AUTS2: variants seen among roughly 807,000 people sequenced by gnomAD.
The protein encoded by AUTS2 is activator of transcription and developmental regulator AUTS2, also known as autism susceptibility gene 2 protein.
A neutral mutation model predicts 112.4 loss-of-function variants in AUTS2; 17 were observed. The ratio of observed to expected loss-of-function variants is 0.15; its 90% CI spans 0.10 to 0.23. The LOEUF (loss-of-function observed/expected upper bound fraction) is 0.23, where lower values mean the gene tolerates loss of function less well. AUTS2 is among the 10% of genes least tolerant of loss of function. The pLI is 1.00. For missense variants in AUTS2, 1,510 were observed against 1,701.6 expected (o/e 0.89, Z 1.98); for synonymous variants, 751 against 702.7 (o/e 1.07, Z -1.09).
chr7:70,426,719 C>G (rs1185506758), intron 4 of AUTS2, among the ~76,000 whole-genome samples: 1 of 152,124 alleles, frequency 6.6e-6, no homozygotes, highest in Non-Finnish European at 1.5e-5. Flanking sequence ...GCGATAAGTT[C>G]TATTAGCATG....
intron 4 of AUTS2, among the ~76,000 whole-genome samples, chr7:70,347,163 A>G (rs1791533717): frequency 6.6e-6 from 1 of 152,126 alleles, no homozygotes; most frequent in Non-Finnish European, 1.5e-5. Flanking sequence ...TATCCCCTGC[A>G]ATCACTTCTT....
intron 2 of AUTS2, among the ~76,000 whole-genome samples, chr7:70,075,509 G>A (rs1802984144): frequency 6.6e-6 from 1 of 152,070 alleles, no homozygotes; most frequent in South Asian, 2.1e-4. Flanking sequence ...AAAATATACT[G>A]TAGATTCATT....
At chr7:69,920,398 C>T (rs1231720088) in intron 2 of AUTS2, among the ~76,000 whole-genome samples, 4 of 151,844 alleles carry the variant, frequency 2.6e-5, no homozygotes, top group Non-Finnish European at 2.9e-5. Context: ...GCAATCCTCC[C>T]GTTTCAGTCC....
At chr7:70,728,657 A>G (rs6966950) in intron 6 of AUTS2, among the ~76,000 whole-genome samples, 34,115 of 146,590 alleles carry the variant, frequency 0.23, 4,729 homozygotes, top group East Asian at 0.59. Flanking sequence ...GCAGTGAGCC[A>G]TGATTGTGCC....
chr7:70,117,042 A>G (rs886448071), intron 2 of AUTS2, among the ~76,000 whole-genome samples: 7 of 150,818 alleles, frequency 4.6e-5, no homozygotes, highest in African/African-American at 1.5e-4. Flanking sequence ...TTTTTAATGG[A>G]AAACCAGAGC....
chr7:69,691,474 G>T (rs1179892585), intron 1 of AUTS2, among the ~76,000 whole-genome samples: 11 of 152,050 alleles, frequency 7.2e-5, no homozygotes, highest in Non-Finnish European at 1.2e-4. Flanking sequence ...GTCCAGAGGG[G>T]GCCGAGGTGG....
intron 1 of AUTS2, among the ~76,000 whole-genome samples, chr7:69,820,288 C>T (rs899637042): frequency 5.9e-5 from 9 of 152,198 alleles, no homozygotes; most frequent in Admixed American, 3.9e-4. Context: ...ATTATGAGTT[C>T]CAGACTCCAG....
chr7:70,286,183 TG>T (rs1788449839), intron 4 of AUTS2, among the ~76,000 whole-genome samples: 1 of 152,320 alleles, frequency 6.6e-6, no homozygotes, highest in African/African-American at 2.4e-5. Flanking sequence ...GAGAGGTCAT[TG>T]GCAGCGTAAA....
rs550242324 is a variant in AUTS2, at chr7:69,848,157, T to TC, written c.310-51128dup. The stretch of plus-strand genomic sequence containing the variant: ...CATACCCTCATAGGAATAGGGACCT[T>TC]CTTCCTTCCTTAACATGATTGGATT... On this transcript the variant is annotated intron_variant, in intron 1 of 18. Transcript: ENST00000342771. Among the ~76,000 whole-genome samples, 52 of 152,332 alleles carry TC rather than the reference T, an allele frequency of 3.4e-4. 1 individual carries two copies. The highest frequency in any genetic ancestry group is 2.9e-3 in the Admixed American group (45 of 15,302).
intron 2 of AUTS2, among the ~76,000 whole-genome samples, chr7:69,928,546 G>T (rs768142237): frequency 6.6e-6 from 1 of 152,220 alleles, no homozygotes; most frequent in Non-Finnish European, 1.5e-5. Flanking sequence ...GGAGGGGCCT[G>T]AGGTAGCAGG....
chr7:70,355,447 G>A (rs570071462), intron 4 of AUTS2, among the ~76,000 whole-genome samples: 2 of 151,996 alleles, frequency 1.3e-5, no homozygotes, highest in East Asian at 1.9e-4. Context: ...TCCTTACGGC[G>A]ACCCCCTCAA....
At chr7:70,283,477 G>T (rs920554129) in intron 4 of AUTS2, among the ~76,000 whole-genome samples, 5 of 152,082 alleles carry the variant, frequency 3.3e-5, no homozygotes, top group African/African-American at 4.8e-5. Flanking sequence ...TCCAATTTCA[G>T]AGATGTAAAT....
chr7:70,355,355 G>A (rs1054473156), intron 4 of AUTS2, among the ~76,000 whole-genome samples: 1 of 151,994 alleles, frequency 6.6e-6, no homozygotes, highest in African/African-American at 2.4e-5. Context: ...AGGCATTAAC[G>A]AGATCAAAAG....
intron 5 of AUTS2, among the ~76,000 whole-genome samples, chr7:70,544,947 A>G (rs1450225520): frequency 2.6e-5 from 4 of 152,150 alleles, no homozygotes; most frequent in African/African-American, 9.7e-5. Flanking sequence ...GGACCTATGT[A>G]CTTGGTGACC....
intron 4 of AUTS2, among the ~76,000 whole-genome samples, chr7:70,214,357 C>A (rs1233748081): frequency 1.3e-5 from 2 of 152,176 alleles, no homozygotes; most frequent in African/African-American, 4.8e-5. Flanking sequence ...CTGCAACATT[C>A]CACTTATAAT....
chr7:69,957,803 G>C (rs1420129150), intron 2 of AUTS2, among the ~76,000 whole-genome samples: 1 of 152,162 alleles, frequency 6.6e-6, no homozygotes, highest in Non-Finnish European at 1.5e-5. Flanking sequence ...GGGGCACATG[G>C]TTTGGTGAGT....
chr7:70,474,066 C>T (rs1345340635), intron 5 of AUTS2, among the ~76,000 whole-genome samples: 1 of 152,192 alleles, frequency 6.6e-6, no homozygotes, highest in Non-Finnish European at 1.5e-5. Context: ...CCTCAGGAAT[C>T]ATCTACCGTA....
intron 4 of AUTS2, among the ~76,000 whole-genome samples, chr7:70,408,365 C>A (rs1794631777): frequency 6.6e-6 from 1 of 152,098 alleles, no homozygotes; most frequent in African/African-American, 2.4e-5. Context: ...AACTCTTAAG[C>A]AGAACCACAG....
intron 2 of AUTS2, among the ~76,000 whole-genome samples, chr7:70,083,103 C>T (rs779520222): frequency 6.6e-5 from 10 of 152,140 alleles, no homozygotes; most frequent in Non-Finnish European, 8.8e-5. Context: ...TTCCTCCCCT[C>T]ATGATTGTGC....
Sources: allele counts gnomAD v4.1 joint callset (sites outside exome capture counted in the v4.1 genomes callset), GRCh38; gene constraint gnomAD v4.1.1; transcripts MANE v1.5; gene names NCBI Gene and HGNC (gene_info 2026-07-23, HGNC 2026-07-21).